The following OTULINL variants were observed in gnomAD, a reference collection of about 807,000 sequenced individuals.
OTULINL encodes OTU deubiquitinase with linear linkage specificity like, also known as inactive ubiquitin thioesterase OTULINL.
Under a neutral mutation model 43.9 loss-of-function variants are expected in OTULINL, and 42 were observed. The observed-to-expected ratio is 0.96, with a 90% CI of 0.75 to 1.24. The LOEUF is 1.24. Among genes scored for constraint, OTULINL ranks in the 50% most tolerant of loss-of-function variants. OTULINL has a pLI of 0.00. For synonymous variants in OTULINL, 172 were observed against 153.6 expected (o/e 1.12, Z -0.88); for missense variants, 411 against 426.4 (o/e 0.96, Z 0.32).
intron 1 of OTULINL, among the ~76,000 whole-genome samples, chr5:14,583,739 C>T (rs1184721982): frequency 1.3e-5 from 2 of 152,130 alleles, no homozygotes; most frequent in Admixed American, 6.5e-5. Flanking sequence ...CATAGTTTCC[C>T]TTCTTTGCCA....
chr5:14,605,540 A>G (rs1011948341), intron 5 of OTULINL, among the ~76,000 whole-genome samples: 3 of 152,206 alleles, frequency 2.0e-5, no homozygotes, highest in Non-Finnish European at 1.5e-5. Context: ...ATTTCTCCTC[A>G]GAAAATGAGA....
chr5:14,601,369 C>T lies in OTULINL; in HGVS notation c.275C>T (p.Ala92Val), dbSNP rs1759386055. 1.2e-6 allele frequency: 2 copies of T among 1,613,992 alleles called. No homozygotes were observed. Among genetic ancestry groups the T allele is most frequent in the East Asian group, 4.5e-5 (2 of 44,882 alleles). The change falls in exon 4 of 8, where the codon GCA becomes GTA. Residue 92 changes from alanine to valine, a missense_variant. Transcript: ENST00000274217. ...RKFKRNLSVE[A>V]EVDLLSYCAR... ...GGTCCAGGGAACCTCAGTGTGGAGGCAGAGGTTGATTTACTCAGTTATTGT... is the reference window on the plus strand; with the variant it reads ...GGTCCAGGGAACCTCAGTGTGGAGGTAGAGGTTGATTTACTCAGTTATTGT...
chr5:14,602,021 A>G (rs1282539820), intron 4 of OTULINL, among the ~76,000 whole-genome samples, 162 bp from the exon 5 acceptor site: 2 of 152,206 alleles, frequency 1.3e-5, no homozygotes, highest in Admixed American at 6.5e-5. Flanking sequence ...ACTTGTACAA[A>G]TGAGAGTCAC....
intron 1 of OTULINL, among the ~76,000 whole-genome samples, chr5:14,595,213 C>CT (rs1333810211): frequency 1.3e-5 from 2 of 152,114 alleles, no homozygotes; most frequent in East Asian, 3.9e-4. Flanking sequence ...AGTCAGTGGG[C>CT]TAGATGCAGG....
intron 1 of OTULINL, among the ~76,000 whole-genome samples, chr5:14,588,396 A>G (rs960895674): frequency 6.6e-6 from 1 of 152,002 alleles, no homozygotes; most frequent in Non-Finnish European, 1.5e-5. Context: ...TTCCCTCCTC[A>G]TTTCACTACC....
chr5:14,603,337 G>A (rs1160310345), intron 5 of OTULINL, among the ~76,000 whole-genome samples: 3 of 152,204 alleles, frequency 2.0e-5, no homozygotes, highest in Non-Finnish European at 4.4e-5. Flanking sequence ...GAGGGGATAA[G>A]TAGCTAGGAG....
chr5:14,607,296 G>T (rs200978051), intron 5 of OTULINL, 34 bp from the exon 6 acceptor site: 48 of 1,609,860 alleles, frequency 3.0e-5, no homozygotes, highest in Admixed American at 6.8e-5. Context: ...ACGTTCATAT[G>T]CTAATCATAG....
At chr5:14,585,973 G>A (rs1487731366) in intron 1 of OTULINL, among the ~76,000 whole-genome samples, 1 of 152,228 alleles carries the variant, frequency 6.6e-6, no homozygotes, top group Non-Finnish European at 1.5e-5. Context: ...AACTCTTGCA[G>A]GTCTGGGTAC....
chr5:14,596,552 A>G lies in OTULINL; in HGVS notation c.65-4413A>G, dbSNP rs186953574. On this transcript the variant is annotated intron_variant, in intron 1 of 7. Coordinates refer to ENST00000274217, the MANE Select transcript of OTULINL (RefSeq NM_019018.3). The stretch of plus-strand genomic sequence containing the variant: ...GCCCAGGAAGGATAATTTTTTTTAA[A>G]TTTTCCTTTTAAAGAGTCTTAATTT... Among the ~76,000 whole-genome samples the G allele has an allele frequency of 9.3e-3, 1,408 of 151,962 alleles. 19 individuals are homozygous for G. Among genetic ancestry groups the G allele is most frequent in the African/African-American group, 0.033 (1,347 of 41,428 alleles).
chr5:14,610,316 T>A lies in OTULINL; in HGVS notation c.*2T>A, dbSNP rs755707150. 2 of 1,612,246 alleles carry A rather than the reference T, an allele frequency of 1.2e-6. No individual in the cohort carries two copies. Among genetic ancestry groups the A allele is most frequent in the Admixed American group, 3.3e-5 (2 of 60,014 alleles). On this transcript the variant is annotated 3_prime_UTR_variant, in exon 8 of 8. Coordinates refer to ENST00000274217, the MANE Select transcript of OTULINL (RefSeq NM_019018.3). ...CACTACCACATTCCAGTCTTTTAAG[T>A]CCGCTGGGGGCCGAACAGCAGTGCT...
At chr5:14,582,825 A>AG (rs1759034964) in intron 1 of OTULINL, among the ~76,000 whole-genome samples, 1 of 150,884 alleles carries the variant, frequency 6.6e-6, no homozygotes, top group Non-Finnish European at 1.5e-5. Context: ...AAAAAAAAAA[A>AG]AAAAAAAAAA....
Position 14,608,742 on chromosome 5 carries a change from T to A in OTULINL, c.628-6T>A, listed in dbSNP as rs1560968224. 1 of 1,593,784 alleles carries A rather than the reference T, an allele frequency of 6.3e-7. No individual in the cohort carries two copies. The highest frequency in any genetic ancestry group is 8.6e-7 in the Non-Finnish European group (1 of 1,165,958). On this transcript the variant is annotated splice_polypyrimidine_tract_variant and splice_region_variant and intron_variant, in intron 6 of 7. Transcript: ENST00000274217. ...TTCTGAATTTCACTTTTACATCTGT[T>A]TTTAGTGGACTGAATTTAATGGCAT...
chr5:14,603,849 C>A (rs1445480151), intron 5 of OTULINL, among the ~76,000 whole-genome samples: 8 of 152,132 alleles, frequency 5.3e-5, no homozygotes, highest in Admixed American at 4.6e-4. Context: ...AATATAGGAA[C>A]TACATTTAAG....
chr5:14,601,660 G>T (rs1759391792), intron 4 of OTULINL, among the ~76,000 whole-genome samples: 1 of 152,214 alleles, frequency 6.6e-6, no homozygotes, highest in South Asian at 2.1e-4. Context: ...GGTCGATGAG[G>T]TCTGTAATTC....
chr5:14,601,058 C>A lies in OTULINL; in HGVS notation c.158C>A (p.Ser53Ter). The A allele has an allele frequency of 1.2e-6, 2 of 1,612,242 alleles. No individual in the cohort carries two copies. Among genetic ancestry groups the A allele is most frequent in the Non-Finnish European group, 1.7e-6 (2 of 1,179,640 alleles). The change falls in exon 2 of 8, where the codon TCA becomes TAA. Residue 53 changes from serine (S) to a stop codon, truncating the protein, a stop_gained. Coordinates refer to ENST00000274217, the MANE Select transcript of OTULINL (RefSeq NM_019018.3). LOFTEE classifies it high-confidence loss of function. ...AAAGGCTTTGTGATGTTGGCAGTTTCATTTCTGGTGGCTGCCATCTGCTAC... is the reference window on the plus strand; with the variant it reads ...AAAGGCTTTGTGATGTTGGCAGTTTAATTTCTGGTGGCTGCCATCTGCTAC... ...MAKGFVMLAV[S>*]FLVAAICYFR...
intron 5 of OTULINL, among the ~76,000 whole-genome samples, chr5:14,605,245 C>T (rs1759454131): frequency 2.0e-5 from 3 of 152,198 alleles, no homozygotes; most frequent in African/African-American, 7.2e-5. Flanking sequence ...CCTCTGAAGG[C>T]ATGGCCCTAG....
At chr5:14,587,966 A>G (rs1759136281) in intron 1 of OTULINL, among the ~76,000 whole-genome samples, 1 of 152,100 alleles carries the variant, frequency 6.6e-6, no homozygotes, top group South Asian at 2.1e-4. Context: ...GAAGCTGATT[A>G]CCACCATGGA....
chr5:14,615,541 CT>C lies in OTULINL; in HGVS notation c.*5229del, dbSNP rs1759659909. On this transcript the variant is annotated 3_prime_UTR_variant, in exon 8 of 8. Coordinates refer to ENST00000274217, the MANE Select transcript of OTULINL (RefSeq NM_019018.3). ...TCCTAGTAGGCACATCTGTGACTCC[CT>C]TAAATAAAAAGGGCCAGAGATGAGG... Among the ~76,000 whole-genome samples, 1 of 152,098 alleles carries C rather than the reference CT, an allele frequency of 6.6e-6. No homozygotes were observed. Among genetic ancestry groups the C allele is most frequent in the African/African-American group, 2.4e-5 (1 of 41,412 alleles).
chr5:14,601,847 A>G (rs1206470759), intron 4 of OTULINL, among the ~76,000 whole-genome samples: 3 of 152,298 alleles, frequency 2.0e-5, no homozygotes, highest in East Asian at 3.9e-4. Flanking sequence ...GTGCTGCCCA[A>G]TCTTGCCACT....
Sources: allele counts gnomAD v4.1 joint callset (sites outside exome capture counted in the v4.1 genomes callset), GRCh38; gene constraint gnomAD v4.1.1; transcripts MANE v1.5; gene names NCBI Gene and HGNC (gene_info 2026-07-23, HGNC 2026-07-21).